LHFPL3: variants seen among roughly 807,000 people sequenced by gnomAD.
LHFPL3 encodes the protein LHFPL tetraspan subfamily member 3 protein.
In LHFPL3, 5 loss-of-function variants were observed where a neutral mutation model predicts 19.3. The ratio of observed to expected loss-of-function variants is 0.26; its 90% confidence interval spans 0.14 to 0.54. LHFPL3 has a LOEUF of 0.54. LHFPL3 is among the 20% of genes least tolerant of loss of function. The pLI, the probability that LHFPL3 is intolerant of heterozygous loss-of-function variation, is 0.94. For synonymous variants in LHFPL3, 133 were observed against 126.2 expected, an observed-to-expected ratio of 1.05 and a Z score of -0.36; for missense variants, 249 against 307.4, an observed-to-expected ratio of 0.81 and a Z score of 1.42.
At chr7:104,619,643 T>G (rs1791407929) in intron 1 of LHFPL3, among the ~76,000 whole-genome samples, 1 of 152,156 alleles carries the variant, frequency 6.6e-6, no homozygotes, top group African/African-American at 2.4e-5. Context: ...ATGCTTATAG[T>G]TTATTCCTTT....
chr7:104,563,989 G>A (rs1790070624), intron 1 of LHFPL3, among the ~76,000 whole-genome samples: 1 of 152,124 alleles, frequency 6.6e-6, no homozygotes. Context: ...AATAGTAATA[G>A]CTACCATTTA....
intron 2 of LHFPL3, among the ~76,000 whole-genome samples, chr7:104,828,479 A>AAGAG (rs1027393123): frequency 1.3e-4 from 20 of 152,106 alleles, no homozygotes; most frequent in African/African-American, 4.1e-4. Context: ...GTCTGAAACC[A>AAGAG]AGAGACCCAG....
At chr7:104,804,090 G>A (rs1204358858) in intron 2 of LHFPL3, 1 of 152,182 alleles carries the variant, frequency 6.6e-6, no homozygotes, top group Non-Finnish European at 1.5e-5. Context: ...CCAGTTCCTA[G>A]ATCCTCTCTA....
intron 1 of LHFPL3, among the ~76,000 whole-genome samples, chr7:104,505,532 G>A (rs1474781304): frequency 6.6e-6 from 1 of 152,106 alleles, no homozygotes; most frequent in Non-Finnish European, 1.5e-5. Flanking sequence ...AACGCACTGG[G>A]TTTCATGGAG....
chr7:104,614,897 C>T (rs553485411), intron 1 of LHFPL3, among the ~76,000 whole-genome samples: 26 of 151,634 alleles, frequency 1.7e-4, no homozygotes, highest in African/African-American at 5.3e-4. Context: ...ACCACAGACA[C>T]GTGCTACAGT....
chr7:104,365,806 G>A lies in LHFPL3; in HGVS notation c.445+36582G>A, dbSNP rs79253877. On this transcript the variant is annotated intron_variant, in intron 1 of 2. Coordinates refer to ENST00000424859, the MANE Select transcript of LHFPL3 (RefSeq NM_199000.3). ...CCGTCTCAAAAAAAAAAAAAAAAAA[G>A]AAAAGCCTCTTTCCAGCTAGGCCAT... Among the ~76,000 whole-genome samples, 426 of 95,740 alleles carry A rather than the reference G, an allele frequency of 4.4e-3. 16 individuals are homozygous for A. In the East Asian group the frequency reaches 0.077, roughly 17 times the overall value. 62.8% of individuals were successfully genotyped at this position (95,740 alleles called of 152,430 possible).
intron 2 of LHFPL3, among the ~76,000 whole-genome samples, chr7:104,868,482 C>CA (rs1315107025): frequency 2.6e-5 from 4 of 151,544 alleles, no homozygotes; most frequent in East Asian, 1.9e-4. Flanking sequence ...ACAATTGCTT[C>CA]AAAAAAAATA....
At chr7:104,401,937 T>A (rs1791320795) in intron 1 of LHFPL3, among the ~76,000 whole-genome samples, 1 of 151,992 alleles carries the variant, frequency 6.6e-6, no homozygotes, top group African/African-American at 2.4e-5. Context: ...GAAGAAAGAT[T>A]AAAGTAGCAA....
chr7:104,529,948 T>C (rs890279204), intron 1 of LHFPL3, among the ~76,000 whole-genome samples: 5 of 152,148 alleles, frequency 3.3e-5, no homozygotes, highest in Non-Finnish European at 7.4e-5. Context: ...GGCAAGGATA[T>C]GCAGGTACCA....
At chr7:104,844,456 AG>A (rs1722179466) in intron 2 of LHFPL3, among the ~76,000 whole-genome samples, 1 of 152,248 alleles carries the variant, frequency 6.6e-6, no homozygotes, top group Non-Finnish European at 1.5e-5. Flanking sequence ...AGGATAATCC[AG>A]AATGTGAAAT....
chr7:104,644,797 C>T (rs1441142778), intron 1 of LHFPL3, among the ~76,000 whole-genome samples: 3 of 152,138 alleles, frequency 2.0e-5, no homozygotes, highest in Non-Finnish European at 4.4e-5. Flanking sequence ...AGTGGTTTCC[C>T]GGCCCTGCTG....
chr7:104,500,169 G>A (rs565130196), intron 1 of LHFPL3, among the ~76,000 whole-genome samples: 191 of 152,258 alleles, frequency 1.3e-3, no homozygotes, highest in Non-Finnish European at 1.2e-3. Flanking sequence ...TAAGCCTTTC[G>A]TTTTAATAGT....
At chr7:104,878,962 A>G (rs139032959) in intron 2 of LHFPL3, among the ~76,000 whole-genome samples, 7 of 152,358 alleles carry the variant, frequency 4.6e-5, no homozygotes, top group South Asian at 4.1e-4. Flanking sequence ...CAAACTAACT[A>G]TAACAATTCC....
chr7:104,723,940 G>A (rs112827556), intron 1 of LHFPL3, among the ~76,000 whole-genome samples: 1,798 of 152,200 alleles, frequency 0.012, 34 homozygotes, highest in African/African-American at 0.041. Context: ...TTAATCTAAT[G>A]TCCTGGTGCC....
In LHFPL3 at chr7:104,562,444, C is replaced by T. The variant is rs572866569; in HGVS notation, c.446-174231C>T. 5.2e-3 allele frequency among the ~76,000 whole-genome samples: 790 copies of T among 152,310 alleles called. 4 individuals carry two copies. The highest frequency in any genetic ancestry group is 9.2e-3 in the Non-Finnish European group (627 of 68,036). On this transcript the variant is annotated intron_variant, in intron 1 of 2. Transcript: ENST00000424859. Reference sequence around the variant, plus strand: ...TCATTTCATTCATTTCATCTTCCATCGCTGATACCCTTTCTTCCAATTGAT... The same window carrying T: ...TCATTTCATTCATTTCATCTTCCATTGCTGATACCCTTTCTTCCAATTGAT...
chr7:104,886,469 A>G (rs1285897421), intron 2 of LHFPL3, among the ~76,000 whole-genome samples: 4 of 152,056 alleles, frequency 2.6e-5, no homozygotes, highest in Non-Finnish European at 5.9e-5. Context: ...GGTTCAAGCA[A>G]TTCTCCTGCC....
chr7:104,840,655 C>A (rs865992890), intron 2 of LHFPL3, among the ~76,000 whole-genome samples: 2 of 151,648 alleles, frequency 1.3e-5, no homozygotes, highest in Non-Finnish European at 2.9e-5. Context: ...TACCCTCCCC[C>A]CACTGAACAC....
intron 1 of LHFPL3, among the ~76,000 whole-genome samples, chr7:104,671,455 T>C (rs899662778): frequency 6.6e-6 from 1 of 151,756 alleles, no homozygotes; most frequent in African/African-American, 2.4e-5. Context: ...AAATATCTTC[T>C]ATGAAAATGA....
chr7:104,425,922 C>G (rs139968387), intron 1 of LHFPL3, among the ~76,000 whole-genome samples: 124 of 152,282 alleles, frequency 8.1e-4, no homozygotes, highest in African/African-American at 2.9e-3. Context: ...CTATATTGAG[C>G]TAGTACTCTT....
Sources: gnomAD v4.1 joint callset for allele counts (sites outside exome capture counted in the v4.1 genomes callset) on GRCh38, gnomAD v4.1.1 for gene constraint, MANE v1.5 for transcripts, NCBI Gene and HGNC (gene_info 2026-07-23, HGNC 2026-07-21) for gene names.